The following ANKH variants were observed in gnomAD, a reference collection of about 807,000 sequenced individuals.
The protein encoded by ANKH is mineralization regulator ANKH.
Under a neutral mutation model 49.0 loss-of-function variants are expected in ANKH, and 15 were observed. The ratio of observed to expected loss-of-function variants is 0.31; its 90% CI spans 0.20 to 0.47. ANKH has a LOEUF of 0.47. Ranked by LOEUF, ANKH falls within the 20% of genes least tolerant of loss-of-function variation. The probability of loss-of-function intolerance (pLI) is 1.00; values close to 1 mark genes in which losing one functional copy is unlikely to be tolerated. For synonymous variants in ANKH, 273 were observed against 260.0 expected, an observed-to-expected ratio of 1.05 and a Z score of -0.48; for missense variants, 429 against 652.0, an observed-to-expected ratio of 0.66 and a Z score of 3.72.
intron 1 of ANKH, among the ~76,000 whole-genome samples, chr5:14,773,534 A>G (rs539304301): frequency 2.0e-5 from 3 of 152,174 alleles, no homozygotes; most frequent in Admixed American, 6.5e-5. Flanking sequence ...AAAGTGAGAA[A>G]GTTTCATTTA....
In ANKH at chr5:14,745,092, GC is replaced by G. The variant is rs1457479158; in HGVS notation, c.915+777del. On this transcript the variant is annotated intron_variant, in intron 7 of 11. Coordinates refer to ENST00000284268, the MANE Select transcript of ANKH (RefSeq NM_054027.6). The surrounding 1 kb of genome is among the most constrained non-coding windows in gnomAD (Gnocchi z 4.7). ...GATGCTGGCAGTGGCTGCTAGTTCT[GC>G]AGACATTCAAGGCACAACAGGTGCC... Among the ~76,000 whole-genome samples, 2 of 152,232 alleles carry G rather than the reference GC, an allele frequency of 1.3e-5. No individual in the cohort carries two copies. The highest frequency in any genetic ancestry group is 6.5e-5 in the Admixed American group (1 of 15,286).
intron 1 of ANKH, among the ~76,000 whole-genome samples, chr5:14,773,762 C>T (rs1325951719): frequency 6.6e-6 from 1 of 152,186 alleles, no homozygotes; most frequent in African/African-American, 2.4e-5. Flanking sequence ...ATTTTTGCCG[C>T]TTTTGTTTAC....
chr5:14,757,430 AT>A lies in ANKH; in HGVS notation c.432+1049del, dbSNP rs1243593041. Among the ~76,000 whole-genome samples the A allele has an allele frequency of 8.4e-3, 953 of 113,764 alleles. 30 individuals carry two copies. In the East Asian group the frequency reaches 0.13, roughly 16 times the overall value. The allele number at this position is 113,764 out of a possible 152,430, so 74.6% of individuals were successfully genotyped here. On this transcript the variant is annotated intron_variant, in intron 3 of 11. Transcript: ENST00000284268. ...TATTGGAACATATATATATATATAT[AT>A]TTTTTTTTTTTTTTTTTTGCTAAGT...
chr5:14,860,299 A>AG (rs1330139218), intron 1 of ANKH, among the ~76,000 whole-genome samples: 1 of 152,208 alleles, frequency 6.6e-6, no homozygotes, highest in Non-Finnish European at 1.5e-5. Context: ...GCTGGCTGCA[A>AG]GCTGTCTTTC....
intron 1 of ANKH, among the ~76,000 whole-genome samples, chr5:14,845,069 C>T (rs1741917882): frequency 6.7e-6 from 1 of 149,954 alleles, no homozygotes; most frequent in Admixed American, 6.6e-5. Context: ...ACTGAACTTT[C>T]AAAGAGGACT....
In ANKH at chr5:14,770,627, G is replaced by T. The variant is rs1266643401; in HGVS notation, c.97-1436C>A. The stretch of plus-strand genomic sequence containing the variant: ...GAAGAGATGAAGCAAGATGGTGAGA[G>T]ATTTCATTACACTACTCGGAATGGC... On this transcript the variant is annotated intron_variant, in intron 1 of 11. Transcript: ENST00000284268. This position sits in a 1 kb window ranked among gnomAD's most constrained non-coding sequence, Gnocchi z 4.1. Among the ~76,000 whole-genome samples, 1 of 152,128 alleles carries T rather than the reference G, an allele frequency of 6.6e-6. No homozygotes were observed. The highest frequency in any genetic ancestry group is 1.5e-5 in the Non-Finnish European group (1 of 68,024).
rs377557565 is a variant in ANKH, at chr5:14,765,517, G to C, written c.313+3458C>G. Among the ~76,000 whole-genome samples, 60 of 152,164 alleles carry C rather than the reference G, an allele frequency of 3.9e-4. 2 individuals carry two copies. The South Asian group carries it at 0.012, about 31-fold the overall frequency. ...CCAGGGAAGTGTCTGAGTGGTCAGTGGTATCTAACCCAGCCTTGTCTGGGG... is the reference window on the plus strand; with the variant it reads ...CCAGGGAAGTGTCTGAGTGGTCAGTCGTATCTAACCCAGCCTTGTCTGGGG... On this transcript the variant is annotated intron_variant, in intron 2 of 11. Transcript: ENST00000284268.
chr5:14,824,897 A>ATG (rs780243631), intron 1 of ANKH, among the ~76,000 whole-genome samples: 4 of 152,170 alleles, frequency 2.6e-5, no homozygotes, highest in Middle Eastern at 3.2e-3. Context: ...TGAAGAACAA[A>ATG]TGTGATAAAG....
intron 1 of ANKH, among the ~76,000 whole-genome samples, chr5:14,833,106 CAG>C (rs977784169): frequency 3.9e-5 from 6 of 152,316 alleles, no homozygotes; most frequent in African/African-American, 1.4e-4. Context: ...TGGCAACAAA[CAG>C]AACCACTCTA....
chr5:14,817,331 C>T (rs1187540040), intron 1 of ANKH, among the ~76,000 whole-genome samples: 3 of 151,578 alleles, frequency 2.0e-5, no homozygotes, highest in Non-Finnish European at 2.9e-5. Flanking sequence ...ATAGAAACTG[C>T]TAAACATGAG....
chr5:14,751,700 CAACAACAAAAAAACA>C (rs1738725576), intron 4 of ANKH, among the ~76,000 whole-genome samples: 1 of 150,694 alleles, frequency 6.6e-6, no homozygotes, highest in East Asian at 1.9e-4. Flanking sequence ...AAAAACAAAA[CAACAACAAAAAAACA>C]AACAAAAAAA....
chr5:14,765,416 G>C (rs1468652419), intron 2 of ANKH, among the ~76,000 whole-genome samples: 2 of 152,118 alleles, frequency 1.3e-5, no homozygotes, highest in Non-Finnish European at 2.9e-5. Context: ...CATTGCACAA[G>C]GTTTGCCTGG....
At chr5:14,784,292 C>T (rs761066832) in intron 1 of ANKH, among the ~76,000 whole-genome samples, 9 of 152,164 alleles carry the variant, frequency 5.9e-5, no homozygotes, top group Non-Finnish European at 1.0e-4. Flanking sequence ...ATTCCATGCC[C>T]TGCCCTAGGT....
intron 8 of ANKH, among the ~76,000 whole-genome samples, chr5:14,733,444 G>T (rs1285603884): frequency 6.6e-6 from 1 of 152,208 alleles, no homozygotes; most frequent in African/African-American, 2.4e-5. Context: ...CTGCCCGTAG[G>T]TGCAGGAGAC....
intron 1 of ANKH, among the ~76,000 whole-genome samples, chr5:14,835,034 T>C (rs1741613442): frequency 1.3e-5 from 2 of 152,198 alleles, no homozygotes; most frequent in Non-Finnish European, 2.9e-5. Context: ...AAAAGGTTAT[T>C]TACTTCAGTA....
intron 1 of ANKH, among the ~76,000 whole-genome samples, chr5:14,845,975 C>T (rs1290214319): frequency 2.0e-5 from 3 of 150,228 alleles, no homozygotes; most frequent in Non-Finnish European, 4.4e-5. Context: ...CCTGCCTTAG[C>T]CTCCCAAATA....
At chr5:14,834,217 T>G (rs1741589197) in intron 1 of ANKH, among the ~76,000 whole-genome samples, 1 of 135,108 alleles carries the variant, frequency 7.4e-6, no homozygotes, top group Admixed American at 7.9e-5. Context: ...ACAAGTGATC[T>G]CACATCTTTG....
rs1561029229 is a variant in ANKH at position 14,733,541 on chromosome 5, GAT to G, written c.1011+8284_1011+8285del. ...GTTTTCTTTTGTTCCTGTGTCAAAT[GAT>G]ATGTTACTTCATTAAACTTACAAAA... On this transcript the variant is annotated intron_variant, in intron 8 of 11. Transcript: ENST00000284268. Among the ~76,000 whole-genome samples the G allele has an allele frequency of 2.6e-5, 4 of 152,294 alleles. No individual in the cohort carries two copies. In the East Asian group the frequency reaches 7.7e-4, roughly 29 times the overall value.
intron 9 of ANKH, among the ~76,000 whole-genome samples, chr5:14,714,916 G>T (rs1737387797): frequency 6.6e-6 from 1 of 152,228 alleles, no homozygotes; most frequent in African/African-American, 2.4e-5. Flanking sequence ...TTAACTGCAT[G>T]TGTCTCAATC....
Sources: gnomAD v4.1 joint callset for allele counts (sites outside exome capture counted in the v4.1 genomes callset) on GRCh38, gnomAD v4.1.1 for gene constraint, Gnocchi (gnomAD v3.1) non-coding constraint, MANE v1.5 for transcripts, NCBI Gene and HGNC (gene_info 2026-07-23, HGNC 2026-07-21) for gene names.